The following LHPP variants were observed in gnomAD, a reference collection of about 807,000 sequenced individuals.
LHPP encodes phospholysine phosphohistidine inorganic pyrophosphate phosphatase, also known as hLHPP.
Under a neutral mutation model 30.3 loss-of-function variants are expected in LHPP, and 24 were observed. The ratio of observed to expected loss-of-function variants is 0.79; its 90% CI spans 0.57 to 1.11. The LOEUF (loss-of-function observed/expected upper bound fraction) is 1.11. Ranked by LOEUF, LHPP falls within the 50% of genes most tolerant of loss-of-function variation. The probability of loss-of-function intolerance (pLI) is 0.00; values close to 1 mark genes in which losing one functional copy is unlikely to be tolerated. For synonymous variants in LHPP, 150 were observed against 157.1 expected (o/e 0.95, Z 0.34); for missense variants, 356 against 367.2 (o/e 0.97, Z 0.25).
rs528384272 is a variant in LHPP, at chr10:124,612,274, CG to C, written c.717-987del. On this transcript the variant is annotated intron_variant, in intron 6 of 6. Transcript: ENST00000368842. ...ATACAAAAAAAGCCGGGCGTGGTGG[CG>C]GGTGCCTGTAGTCCCAGCTACTCAA... Among the ~76,000 whole-genome samples the C allele has an allele frequency of 3.7e-4, 56 of 152,214 alleles. No individual in the cohort carries two copies. In the East Asian group the frequency reaches 9.3e-3, roughly 25 times the overall value.
chr10:124,589,196 C>G (rs907138425), intron 6 of LHPP, among the ~76,000 whole-genome samples: 5 of 152,226 alleles, frequency 3.3e-5, no homozygotes, highest in Non-Finnish European at 5.9e-5. Context: ...ATGTCAGGAG[C>G]CTTTTCCTGC....
In LHPP at chr10:124,576,729, G is replaced by T. The variant is rs1432752767; in HGVS notation, c.717-36535G>T. Among the ~76,000 whole-genome samples the T allele has an allele frequency of 6.6e-6, 1 of 152,124 alleles. No individual in the cohort carries two copies. Among genetic ancestry groups the T allele is most frequent in the Non-Finnish European group, 1.5e-5 (1 of 68,016 alleles). On this transcript the variant is annotated intron_variant, in intron 6 of 6. Coordinates refer to ENST00000368842, the MANE Select transcript of LHPP (RefSeq NM_022126.4). This position sits in a 1 kb window ranked among gnomAD's most constrained non-coding sequence, Gnocchi z 4.2. ...GGCGGGGGTACTGGGGGGCTGAGGG[G>T]GGTTCTTTAGGGCAGGAGTTACCTG...
At position 124,488,564 on chromosome 10, in the gene LHPP, A is replaced by G. The variant is rs368513444; in HGVS notation, c.456A>G (p.Ser152=). The change falls in exon 3 of 7, where the codon TCA becomes TCG. Residue 152 remains serine (S), a synonymous_variant. Coordinates refer to ENST00000368842, the MANE Select transcript of LHPP (RefSeq NM_022126.4). ...AGCTGGAAAAACCTGTGCTCATATC[A>G]CTGGGAAAAGGGTAAGTTGGCTCCA... ...LMELEKPVLI[S]LGKGRYYKET... is the part of the protein sequence containing the mutation. The G allele has an allele frequency of 6.2e-7, 1 of 1,609,298 alleles. No individual in the cohort carries two copies. Among genetic ancestry groups the G allele is most frequent in the African/African-American group, 1.3e-5 (1 of 74,394 alleles).
chr10:124,469,290 G>A (rs564358954), intron 1 of LHPP, among the ~76,000 whole-genome samples: 5 of 152,248 alleles, frequency 3.3e-5, no homozygotes, highest in African/African-American at 1.2e-4. Context: ...CGTTCTCTGA[G>A]CCTGCGAGGG....
At chr10:124,577,796 A>C in intron 6 of LHPP, among the ~76,000 whole-genome samples, 1 of 148,442 alleles carries the variant, frequency 6.7e-6, no homozygotes, top group African/African-American at 2.5e-5. Context: ...CCCCTCCTCC[A>C]CTCTGGCAGC....
chr10:124,489,256 T>C (rs1249032954), intron 3 of LHPP, among the ~76,000 whole-genome samples: 1 of 152,222 alleles, frequency 6.6e-6, no homozygotes, highest in Non-Finnish European at 1.5e-5. Context: ...CACCTGTCCC[T>C]ATTTTGGTGT....
chr10:124,466,684 T>C (rs925060939), intron 1 of LHPP, among the ~76,000 whole-genome samples: 1 of 152,014 alleles, frequency 6.6e-6, no homozygotes, highest in Non-Finnish European at 1.5e-5. Context: ...TTCGAACTCC[T>C]GACCTCATGT....
intron 5 of LHPP, among the ~76,000 whole-genome samples, chr10:124,508,714 A>G (rs1954225693): frequency 6.6e-6 from 1 of 152,184 alleles, no homozygotes; most frequent in Admixed American, 6.5e-5. Context: ...ACAAGAAGAA[A>G]AGAAACCACT....
chr10:124,513,073 A>AGTTTGTTTGTTT (rs113429645), intron 5 of LHPP, among the ~76,000 whole-genome samples: 5,852 of 151,308 alleles, frequency 0.039, 217 homozygotes, highest in Non-Finnish European at 0.034. Flanking sequence ...GAAGACATGT[A>AGTTTGTTTGTTT]GTTTGTTTGT....
chr10:124,583,919 T>G (rs1948771971), intron 6 of LHPP, among the ~76,000 whole-genome samples: 1 of 152,248 alleles, frequency 6.6e-6, no homozygotes, highest in Non-Finnish European at 1.5e-5. Context: ...ACTGTTCCTT[T>G]GTAGTAAGTT....
At chr10:124,524,112 A>T (rs939538045) in intron 6 of LHPP, among the ~76,000 whole-genome samples, 3 of 152,102 alleles carry the variant, frequency 2.0e-5, no homozygotes, top group African/African-American at 7.2e-5. Context: ...GTTTTCATAC[A>T]TTCACAGAGC....
At chr10:124,502,424 G>A (rs1394618020) in intron 5 of LHPP, among the ~76,000 whole-genome samples, 1 of 151,586 alleles carries the variant, frequency 6.6e-6, no homozygotes, top group Non-Finnish European at 1.5e-5. Flanking sequence ...GAGTGCAGTG[G>A]CGCTGTCTCA....
In LHPP at chr10:124,483,119, G is replaced by A. The variant is rs546463917; in HGVS notation, c.126-1020G>A. 2.4e-4 allele frequency among the ~76,000 whole-genome samples: 37 copies of A among 152,260 alleles called. No homozygotes were observed. The South Asian group carries it at 6.0e-3, about 25-fold the overall frequency. On this transcript the variant is annotated intron_variant, in intron 1 of 6. Coordinates refer to ENST00000368842, the MANE Select transcript of LHPP (RefSeq NM_022126.4). ...GTCAGGAGGGAAGAAGCTCGGTGCCGCCGGCCAGTGGCAGCATCCTGAAGT... is the reference window on the plus strand; with the variant it reads ...GTCAGGAGGGAAGAAGCTCGGTGCCACCGGCCAGTGGCAGCATCCTGAAGT...
intron 6 of LHPP, among the ~76,000 whole-genome samples, chr10:124,611,532 G>A (rs1189786552): frequency 6.6e-6 from 1 of 150,530 alleles, no homozygotes; most frequent in East Asian, 2.0e-4. Context: ...GGGGACAAGG[G>A]GTTCTGTCCT....
At chr10:124,509,876 C>T (rs907043191) in intron 5 of LHPP, among the ~76,000 whole-genome samples, 2 of 152,126 alleles carry the variant, frequency 1.3e-5, no homozygotes, top group Non-Finnish European at 2.9e-5. Flanking sequence ...TTGTGAACCA[C>T]GGAAGCTCTT....
At chr10:124,598,453 T>C (rs1385824665) in intron 6 of LHPP, among the ~76,000 whole-genome samples, 1 of 152,180 alleles carries the variant, frequency 6.6e-6, no homozygotes, top group Non-Finnish European at 1.5e-5. Flanking sequence ...TGGCTGGGCG[T>C]GGCCTTGAGG....
intron 6 of LHPP, among the ~76,000 whole-genome samples, chr10:124,553,258 G>A (rs1352362902): frequency 6.6e-6 from 1 of 152,168 alleles, no homozygotes; most frequent in Non-Finnish European, 1.5e-5. Context: ...GGGGAACTTG[G>A]AGAAAGAGAA....
At chr10:124,560,734 C>T (rs1267792340) in intron 6 of LHPP, among the ~76,000 whole-genome samples, 3 of 152,186 alleles carry the variant, frequency 2.0e-5, no homozygotes, top group African/African-American at 7.2e-5. Flanking sequence ...GGGTTTGGCT[C>T]CTGCCGGAGG....
At chr10:124,540,533 C>T (rs912466288) in intron 6 of LHPP, among the ~76,000 whole-genome samples, 3 of 152,224 alleles carry the variant, frequency 2.0e-5, no homozygotes, top group Admixed American at 2.0e-4. Flanking sequence ...GCTCCTGGCC[C>T]CACTGGCCTG....
Sources: allele counts gnomAD v4.1 joint callset (sites outside exome capture counted in the v4.1 genomes callset), GRCh38; gene constraint gnomAD v4.1.1; non-coding constraint Gnocchi (gnomAD v3.1); transcripts MANE v1.5; gene names NCBI Gene and HGNC (gene_info 2026-07-23, HGNC 2026-07-21).